The following IQUB variants were observed in gnomAD, a reference collection of about 807,000 sequenced individuals.
The protein encoded by IQUB is IQ motif and ubiquitin-like domain-containing protein.
A neutral mutation model predicts 86.4 loss-of-function variants in IQUB; 86 were observed. That is an observed-to-expected ratio of 1.00 (90% confidence interval 0.84 to 1.19). IQUB has a LOEUF of 1.19. Among genes scored for constraint, IQUB ranks in the 50% most tolerant of loss-of-function variants. The pLI is 0.00. For synonymous variants in IQUB, 289 were observed against 304.5 expected (o/e 0.95, Z 0.53); for missense variants, 946 against 916.9 (o/e 1.03, Z -0.41).
rs530758764 is a variant in IQUB at position 123,502,537 on chromosome 7, C to T, written c.1023+60G>A. The T allele has an allele frequency of 6.8e-5, 100 of 1,462,356 alleles. 1 individual carries two copies. The South Asian group carries it at 1.1e-3, about 16-fold the overall frequency. 90.6% of individuals were successfully genotyped at this position (1,462,356 alleles called of 1,614,324 possible). A position where few individuals can be genotyped will look rare whatever the true frequency, so the allele number is the denominator to read the frequency against. Reference sequence around the variant, plus strand: ...TGTGGCTTGGAGAAAGAGACACACTCGGAACAACTGGCTTATATATCAAAT... The same window carrying T: ...TGTGGCTTGGAGAAAGAGACACACTTGGAACAACTGGCTTATATATCAAAT... On this transcript the variant is annotated intron_variant, in intron 6 of 12. Transcript: ENST00000324698.
At chr7:123,506,553 G>A (rs1460306657) in intron 3 of IQUB, among the ~76,000 whole-genome samples, 3 of 152,122 alleles carry the variant, frequency 2.0e-5, no homozygotes, top group Admixed American at 2.0e-4. Flanking sequence ...GGCTGAAGCA[G>A]GGGGAAGAGA....
intron 11 of IQUB, among the ~76,000 whole-genome samples, chr7:123,459,165 G>A (rs904635121): frequency 4.6e-5 from 7 of 151,864 alleles, no homozygotes; most frequent in South Asian, 2.1e-4. Flanking sequence ...ACATAGATAC[G>A]GTACTGAAAT....
At chr7:123,507,770 G>A (rs1796247234) in intron 3 of IQUB, among the ~76,000 whole-genome samples, 1 of 151,890 alleles carries the variant, frequency 6.6e-6, no homozygotes, top group Non-Finnish European at 1.5e-5. Context: ...CTGCTTGGGA[G>A]GCTAAGGCAG....
chr7:123,460,091 G>A (rs1398366064), intron 11 of IQUB, among the ~76,000 whole-genome samples: 2 of 151,838 alleles, frequency 1.3e-5, no homozygotes, highest in African/African-American at 2.4e-5. Flanking sequence ...TTACATGTAC[G>A]GATGCTGGGA....
intron 1 of IQUB, among the ~76,000 whole-genome samples, chr7:123,523,252 G>C (rs1178279993): frequency 8.3e-5 from 12 of 144,342 alleles, no homozygotes; most frequent in African/African-American, 3.1e-4. Context: ...GGTATTTCTA[G>C]TTCTAGATCC....
intron 1 of IQUB, among the ~76,000 whole-genome samples, chr7:123,526,290 T>C (rs1007654891): frequency 1.3e-5 from 2 of 152,082 alleles, no homozygotes; most frequent in Non-Finnish European, 2.9e-5. Flanking sequence ...CTGTCTAATG[T>C]TGACAGTGGA....
chr7:123,524,675 A>G (rs1484979686), intron 1 of IQUB, among the ~76,000 whole-genome samples: 5 of 151,128 alleles, frequency 3.3e-5, no homozygotes, highest in Non-Finnish European at 7.4e-5. Flanking sequence ...CTCTTTTCCT[A>G]ATTGAATAGC....
chr7:123,512,215 A>G lies in IQUB; in HGVS notation c.126T>C (p.Thr42=), dbSNP rs1796450240. The change falls in exon 2 of 13, where the codon ACT becomes ACC. Residue 42 remains threonine (T), a synonymous_variant. Transcript: ENST00000324698. ...PSEEPQESDQ[T]EEHESGIEQF... ...GTTCTATTCCAGATTCATGCTCTTC[A>G]GTTTGATCTGACTCTTGAGGCTCTT... is the stretch of plus-strand genomic sequence containing the variant. 16 of 1,613,788 alleles carry G rather than the reference A, an allele frequency of 9.9e-6. No homozygotes were observed. The highest frequency in any genetic ancestry group is 1.4e-5 in the Non-Finnish European group (16 of 1,179,716).
chr7:123,497,037 A>G (rs963545294), intron 6 of IQUB, 131 bp from the exon 7 acceptor site: 62 of 596,934 alleles, frequency 1.0e-4, no homozygotes, highest in Middle Eastern at 8.7e-4. Context: ...CTCCAAATAC[A>G]TATTTTCACA....
At position 123,517,943 on chromosome 7, in the gene IQUB, G is replaced by T. The variant is rs529286101; in HGVS notation, c.-4-5599C>A. 7.2e-5 allele frequency among the ~76,000 whole-genome samples: 11 copies of T among 152,256 alleles called. No individual in the cohort carries two copies. The South Asian group carries it at 2.3e-3, about 32-fold the overall frequency. ...CAGTCCGAAGGTATAGATACCTAAA[G>T]GGCAAGCCATGCCTATATCTGTCTA... is the stretch of plus-strand genomic sequence containing the variant. On this transcript the variant is annotated intron_variant, in intron 1 of 12. Transcript: ENST00000324698.
chr7:123,496,601 AAAT>A (rs1286365017), intron 7 of IQUB, 92 bp downstream of exon 7: 9 of 742,814 alleles, frequency 1.2e-5, no homozygotes, highest in Non-Finnish European at 1.9e-5. Flanking sequence ...CATCTCCCTA[AAAT>A]AATAACACCT....
At chr7:123,525,481 A>G (rs928194359) in intron 1 of IQUB, among the ~76,000 whole-genome samples, 1 of 151,934 alleles carries the variant, frequency 6.6e-6, no homozygotes, top group African/African-American at 2.4e-5. Context: ...TTTCTAGTTT[A>G]TTTGCGTAGA....
chr7:123,453,249 G>C (rs781439158), intron 12 of IQUB, among the ~76,000 whole-genome samples: 1 of 131,704 alleles, frequency 7.6e-6, no homozygotes, highest in Non-Finnish European at 1.6e-5. Context: ...TTCTAACTGG[G>C]GGTATCTAGT....
chr7:123,527,768 G>A (rs1797316910), intron 1 of IQUB, among the ~76,000 whole-genome samples: 2 of 152,128 alleles, frequency 1.3e-5, no homozygotes, highest in Admixed American at 6.5e-5. Context: ...CTGTCTTTTT[G>A]TTTGTCTGTG....
chr7:123,485,865 C>A (rs1013485768), intron 7 of IQUB, among the ~76,000 whole-genome samples: 2 of 152,076 alleles, frequency 1.3e-5, no homozygotes, highest in Non-Finnish European at 2.9e-5. Flanking sequence ...GAAACGTAAT[C>A]AAAAAGTAGA....
At chr7:123,529,999 C>A (rs1797452857) in intron 1 of IQUB, among the ~76,000 whole-genome samples, 1 of 151,958 alleles carries the variant, frequency 6.6e-6, no homozygotes, top group Non-Finnish European at 1.5e-5. Context: ...CACCACTGCA[C>A]TCCAGCCTGG....
intron 3 of IQUB, among the ~76,000 whole-genome samples, chr7:123,506,156 T>A (rs748381731): frequency 6.6e-6 from 1 of 152,190 alleles, no homozygotes; most frequent in African/African-American, 2.4e-5. Flanking sequence ...CTCATTTCCA[T>A]CTGAGACTAC....
chr7:123,534,244 G>C (rs762137799), intron 1 of IQUB, among the ~76,000 whole-genome samples: 6 of 152,168 alleles, frequency 3.9e-5, no homozygotes, highest in Non-Finnish European at 8.8e-5. Context: ...GTACCTCCTA[G>C]CTTGATGCTG....
intron 7 of IQUB, among the ~76,000 whole-genome samples, chr7:123,493,721 A>ATGTGTGTGTATGTGTGTGTG (rs1418495752): frequency 7.8e-6 from 1 of 128,346 alleles, no homozygotes; most frequent in Non-Finnish European, 1.7e-5. Context: ...CCTGAGAGAA[A>ATGTGTGTGTATGTGTGTGTG]TGTGTGTGTA....
Sources: gnomAD v4.1 joint callset for allele counts (sites outside exome capture counted in the v4.1 genomes callset) on GRCh38, gnomAD v4.1.1 for gene constraint, MANE v1.5 for transcripts, NCBI Gene and HGNC (gene_info 2026-07-23, HGNC 2026-07-21) for gene names.